The following TRIM14 variants were observed in gnomAD, a reference collection of about 807,000 sequenced individuals.
TRIM14 encodes the protein tripartite motif containing 14.
In TRIM14, 28 loss-of-function variants were observed where a neutral mutation model predicts 44.5. The ratio of observed to expected loss-of-function variants is 0.63; its 90% CI spans 0.47 to 0.86. The LOEUF (loss-of-function observed/expected upper bound fraction) is 0.86, where lower values mean the gene tolerates loss of function less well. Among genes scored for constraint, TRIM14 ranks in the 40% least tolerant of loss-of-function variants. TRIM14 has a pLI of 0.00. For missense variants in TRIM14, 607 were observed against 611.1 expected, an observed-to-expected ratio of 0.99 and a Z score of 0.07; for synonymous variants, 299 against 269.2, an observed-to-expected ratio of 1.11 and a Z score of -1.08.
chr9:98,091,815 A>G, intron 5 of TRIM14, 94 bp downstream of exon 5: 2 of 763,328 alleles, frequency 2.6e-6, no homozygotes, highest in Non-Finnish European at 3.8e-6. Flanking sequence ...TCTAATGAGA[A>G]AAAAAGAGGG....
chr9:98,116,635 T>A (rs1827062043), intron 1 of TRIM14, among the ~76,000 whole-genome samples: 1 of 151,460 alleles, frequency 6.6e-6, no homozygotes. Context: ...CCAGGAATTC[T>A]AGACCAGCCT....
chr9:98,070,546 G>A (rs1428399493), intron 6 of TRIM14, among the ~76,000 whole-genome samples: 1 of 151,936 alleles, frequency 6.6e-6, no homozygotes, highest in Non-Finnish European at 1.5e-5. Flanking sequence ...TCAGCCTCCT[G>A]AGTAGCTAGG....
chr9:98,038,131 A>G, the TRIM14 span, among the ~76,000 whole-genome samples: 3 of 151,698 alleles, frequency 2.0e-5, no homozygotes, highest in South Asian at 2.1e-4. Context: ...GCTCACTGCA[A>G]CCTCCACCTC....
chr9:98,062,042 G>A, the TRIM14 span, among the ~76,000 whole-genome samples: 2 of 151,446 alleles, frequency 1.3e-5, no homozygotes, highest in Non-Finnish European at 2.9e-5. Context: ...GGCAACACAG[G>A]GAGACCCTAT....
chr9:98,055,581 C>T, the TRIM14 span, among the ~76,000 whole-genome samples: 1 of 152,088 alleles, frequency 6.6e-6, no homozygotes, highest in African/African-American at 2.4e-5. Context: ...TCCCCAGGAG[C>T]AATTTGGGGA....
the TRIM14 span, among the ~76,000 whole-genome samples, chr9:98,044,181 A>C: frequency 6.6e-6 from 1 of 151,426 alleles, no homozygotes; most frequent in Non-Finnish European, 1.5e-5. Context: ...CCCCTTCAGG[A>C]GGGCTGAAAG....
At chr9:98,061,153 T>A in the TRIM14 span, 1 of 676,010 alleles carries the variant, frequency 1.5e-6, no homozygotes, top group Non-Finnish European at 2.5e-6. Flanking sequence ...CCAGTGAGAA[T>A]CTGTGGGAAG....
chr9:98,087,887 C>G lies in TRIM14; in HGVS notation c.912G>C (p.Arg304=). ...LGSLGPVPVL[R]FDALWQVLAR... ...CCAGCACTTGCCAGAGCGCGTCGAA[C>G]CGCAGCACGGGCACGGGCCCCAGGC... Residue 304 remains arginine (R), a synonymous_variant, in exon 6 of 6, where the codon CGG becomes CGC. Transcript: ENST00000341469. 6.4e-7 allele frequency: 1 copy of G among 1,569,608 alleles called. No homozygotes were observed. Among genetic ancestry groups the G allele is most frequent in the Non-Finnish European group, 8.6e-7 (1 of 1,167,980 alleles).
At chr9:98,113,142 G>GA (rs76418832) in intron 1 of TRIM14, among the ~76,000 whole-genome samples, 58,920 of 142,190 alleles carry the variant, frequency 0.41, 12,708 homozygotes, top group East Asian at 0.57. Context: ...AAAAAAGAAG[G>GA]AATTTTTTAT....
chr9:98,051,343 A>G, the TRIM14 span, among the ~76,000 whole-genome samples: 4 of 152,136 alleles, frequency 2.6e-5, no homozygotes, highest in Non-Finnish European at 5.9e-5. Flanking sequence ...CTTTCCACTA[A>G]TCCCCTACAA....
chr9:98,109,687 G>A (rs1826768944), intron 2 of TRIM14, among the ~76,000 whole-genome samples: 1 of 152,186 alleles, frequency 6.6e-6, no homozygotes, highest in Non-Finnish European at 1.5e-5. Context: ...CACTTGCAGA[G>A]CCCCTTCATG....
chr9:98,118,995 G>T lies in TRIM14; in HGVS notation c.194C>A (p.Ala65Glu), dbSNP rs1354164352. The change falls in exon 1 of 6, where the codon GCG becomes GAG. Residue 65 changes from alanine (A) to glutamate (E), a missense_variant. Physicochemically the swap from Ala to Glu is moderately radical, Grantham distance 107. This residue lies in a region of TRIM14 where 246 missense variants were observed against 270.8 expected (regional missense o/e 0.91). Transcript: ENST00000341469. ...GHPVGLALEA[A>E]VHVQKLSQEC... ...CATCGTCCCCACCTGCACGTGCACC[G>T]CTGCCTCCAGCGCCAGGCCCACAGG... 6.4e-7 allele frequency: 1 copy of T among 1,550,852 alleles called. No individual in the cohort carries two copies. The highest frequency in any genetic ancestry group is 1.8e-5 in the Admixed American group (1 of 54,632).
chr9:98,041,529 T>C, the TRIM14 span, among the ~76,000 whole-genome samples: 2 of 151,954 alleles, frequency 1.3e-5, no homozygotes, highest in South Asian at 4.2e-4. Context: ...TTTGCTCTTT[T>C]TGCCCAGGCT....
intron 2 of TRIM14, 29 bp downstream of exon 2, chr9:98,109,860 A>T: frequency 6.3e-7 from 1 of 1,579,246 alleles, no homozygotes; most frequent in Non-Finnish European, 8.7e-7. Flanking sequence ...GGGTCTTTCC[A>T]TGGGTATGAG....
intron 2 of TRIM14, among the ~76,000 whole-genome samples, 190 bp downstream of exon 2, chr9:98,109,699 T>A (rs1354611372): frequency 1.3e-5 from 2 of 152,184 alleles, no homozygotes; most frequent in Non-Finnish European, 2.9e-5. Flanking sequence ...CCCTTCATGG[T>A]CTTGCACCTA....
the TRIM14 span, among the ~76,000 whole-genome samples, chr9:98,043,819 AAG>A: frequency 1.3e-5 from 2 of 151,812 alleles, no homozygotes; most frequent in Non-Finnish European, 2.9e-5. Flanking sequence ...AATAGAGAGA[AAG>A]AGAACTTAGA....
Position 98,099,938 on chromosome 9 carries a change from C to T in TRIM14, c.530G>A (p.Arg177Lys). The part of the protein sequence containing the change: ...SISQEPDPVQ[R>K]LQAYTATEQE... ...CAGTGACCCCAGCATTACCTGAAGCCTCTGGACAGGATCGGGCTCCTGGCT... is the reference window on the plus strand; with the variant it reads ...CAGTGACCCCAGCATTACCTGAAGCTTCTGGACAGGATCGGGCTCCTGGCT... The change falls in exon 3 of 6, where the codon AGG (arginine) becomes AAG (lysine). Residue 177 changes from arginine (R) to lysine (K), a missense_variant. Physicochemically the swap from Arg to Lys is conservative, Grantham distance 26. Transcript: ENST00000341469. 1 of 1,612,842 alleles carries T rather than the reference C, an allele frequency of 6.2e-7. No homozygotes were observed. Among genetic ancestry groups the T allele is most frequent in the East Asian group, 2.2e-5 (1 of 44,874 alleles).
chr9:98,115,171 C>T (rs1366369131), intron 1 of TRIM14, among the ~76,000 whole-genome samples: 2 of 152,004 alleles, frequency 1.3e-5, no homozygotes, highest in African/African-American at 4.8e-5. Context: ...CTCACTGCAA[C>T]CTCTGCCTCC....
In TRIM14 at chr9:98,110,328, T is replaced by C. The variant is rs1196601260; in HGVS notation, c.208-344A>G. On this transcript the variant is annotated intron_variant, in intron 1 of 5. Coordinates refer to ENST00000341469, the MANE Select transcript of TRIM14 (RefSeq NM_014788.4). ...GGGTCTGGGAAAGAACATCTACTTA[T>C]GGAGTATTAACTGAGCACCTATTAT... The C allele has an allele frequency of 1.3e-5, 4 of 311,182 alleles. No homozygotes were observed. In the Admixed American group the frequency reaches 1.4e-4, roughly 11 times the overall value. 19.3% of individuals were successfully genotyped at this position (311,182 alleles called of 1,614,324 possible).
Sources: gnomAD v4.1 joint callset for allele counts (sites outside exome capture counted in the v4.1 genomes callset) on GRCh38, gnomAD v4.1.1 for gene constraint, gnomAD v4.1.1 regional missense constraint, MANE v1.5 for transcripts, NCBI Gene and HGNC (gene_info 2026-07-23, HGNC 2026-07-21) for gene names.